The following UMAD1 variants were observed in gnomAD, a reference collection of about 807,000 sequenced individuals.
The protein encoded by UMAD1 is UBAP1-MVB12-associated (UMA)-domain containing protein 1.
UMAD1 carries 8 observed loss-of-function variants against 6.1 expected under a neutral mutation model. The ratio of observed to expected loss-of-function variants is 1.30; its 90% CI spans 0.76 to 2.35. The LOEUF (loss-of-function observed/expected upper bound fraction) is 2.35, where lower values mean the gene tolerates loss of function less well. Among genes scored for constraint, UMAD1 ranks in the 30% most tolerant of loss-of-function variants. The pLI, the probability that UMAD1 is intolerant of heterozygous loss-of-function variation, is 0.00. For synonymous variants in UMAD1, 56 were observed against 31.4 expected (o/e 1.78, Z -2.61); for missense variants, 130 against 78.4 (o/e 1.66, Z -2.49).
intron 2 of UMAD1, among the ~76,000 whole-genome samples, chr7:7,717,157 A>G (rs1277776013): frequency 6.6e-6 from 1 of 151,030 alleles, no homozygotes; most frequent in East Asian, 1.9e-4. Flanking sequence ...CCCGGGTTCA[A>G]GCGATTCTCT....
At chr7:7,851,100 C>A (rs776241258) in intron 3 of UMAD1, among the ~76,000 whole-genome samples, 36 of 152,088 alleles carry the variant, frequency 2.4e-4, no homozygotes, top group Non-Finnish European at 4.0e-4. Flanking sequence ...CTAATCTATT[C>A]TGTCTCTTAT....
intron 1 of UMAD1, among the ~76,000 whole-genome samples, chr7:7,648,434 C>T (rs751211661): frequency 1.6e-4 from 24 of 152,170 alleles, no homozygotes; most frequent in Non-Finnish European, 2.8e-4. Context: ...GTGCATATAG[C>T]TGGCGATTCA....
At chr7:7,839,936 C>G (rs373816190) in intron 3 of UMAD1, among the ~76,000 whole-genome samples, 1 of 152,166 alleles carries the variant, frequency 6.6e-6, no homozygotes, top group South Asian at 2.1e-4. Context: ...TTGCAGTTGG[C>G]AGAAAATTGG....
chr7:7,754,436 C>T (rs945927001), intron 2 of UMAD1, among the ~76,000 whole-genome samples: 7 of 152,128 alleles, frequency 4.6e-5, no homozygotes, highest in Admixed American at 3.9e-4. Context: ...ATTGTTTGCC[C>T]ATTTTTTAAT....
intron 1 of UMAD1, among the ~76,000 whole-genome samples, chr7:7,672,416 C>G (rs1325009580): frequency 6.6e-6 from 1 of 152,098 alleles, no homozygotes; most frequent in African/African-American, 2.4e-5. Context: ...ATAATCTCAC[C>G]AACGCAAGGA....
rs757863634 is a variant in UMAD1, at chr7:7,812,341, C to T, written c.156+10598C>T. Among the ~76,000 whole-genome samples the T allele has an allele frequency of 8.0e-4, 121 of 152,176 alleles. 1 individual carries two copies. Among genetic ancestry groups the T allele is most frequent in the Non-Finnish European group, 1.2e-3 (84 of 68,028 alleles). The stretch of plus-strand genomic sequence containing the variant: ...GCACCAATTATTCCCTGCCAGAAAC[C>T]CGCTAACCTGCTGCTTTTGTACCTC... On this transcript the variant is annotated intron_variant, in intron 3 of 3. Coordinates refer to ENST00000682710, the MANE Select transcript of UMAD1 (RefSeq NM_001302348.2).
intron 2 of UMAD1, among the ~76,000 whole-genome samples, chr7:7,774,809 C>T (rs983693665): frequency 6.6e-6 from 1 of 152,080 alleles, no homozygotes; most frequent in Non-Finnish European, 1.5e-5. Flanking sequence ...TAAGTTCTTC[C>T]CCAATTTTGC....
intron 2 of UMAD1, chr7:7,676,086 C>A (rs1779730774): frequency 2.5e-6 from 1 of 398,692 alleles, no homozygotes; most frequent in South Asian, 1.3e-4. Flanking sequence ...TTCATCCCCT[C>A]TTCCTTCTTC....
At chr7:7,667,709 C>T (rs17546242) in intron 1 of UMAD1, among the ~76,000 whole-genome samples, 8,911 of 152,252 alleles carry the variant, frequency 0.059, 342 homozygotes, top group Middle Eastern at 0.14. Flanking sequence ...CTGACAAAGA[C>T]AGAAATGGAA....
chr7:7,856,076 A>C (rs1438619692), intron 3 of UMAD1, among the ~76,000 whole-genome samples: 1 of 152,234 alleles, frequency 6.6e-6, no homozygotes, highest in Non-Finnish European at 1.5e-5. Flanking sequence ...ACAAGTCTCT[A>C]GGAAGTTCCA....
rs1554321024 is a variant in UMAD1 at position 7,731,491 on chromosome 7, C to CCCAAAAA, written c.82+58038_82+58039insCCAAAAA. Among the ~76,000 whole-genome samples, 3 of 134,516 alleles carry CCCAAAAA rather than the reference C, an allele frequency of 2.2e-5. 1 individual carries two copies. The highest frequency in any genetic ancestry group is 3.2e-5 in the Non-Finnish European group (2 of 62,372). The allele number at this position is 134,516 out of a possible 152,430, so 88.2% of individuals were successfully genotyped here. ...GAAAAGCAAACAAACAACCCCCCCCCAAAAAAAAAACACTTCTAGAGGTAT... is the reference window on the plus strand; with the variant it reads ...GAAAAGCAAACAAACAACCCCCCCCCCCAAAAAAAAAAAAAAACACTTCTAGAGGTAT... On this transcript the variant is annotated intron_variant, in intron 2 of 3. Transcript: ENST00000682710.
intron 2 of UMAD1, among the ~76,000 whole-genome samples, chr7:7,787,366 C>G (rs1782481025): frequency 1.3e-5 from 2 of 152,136 alleles, no homozygotes; most frequent in Admixed American, 6.5e-5. Context: ...TGAAACAGTA[C>G]TGTTGTTTTT....
intron 3 of UMAD1, among the ~76,000 whole-genome samples, chr7:7,804,745 G>T (rs1332410817): frequency 1.3e-5 from 2 of 152,220 alleles, no homozygotes; most frequent in Non-Finnish European, 2.9e-5. Context: ...ACTTTGGGAG[G>T]CTGAGGCAGC....
At chr7:7,688,749 A>G (rs879587444) in intron 2 of UMAD1, among the ~76,000 whole-genome samples, 5 of 152,170 alleles carry the variant, frequency 3.3e-5, no homozygotes, top group Non-Finnish European at 7.3e-5. Flanking sequence ...AACCTCCTAA[A>G]GGACATCTAA....
intron 2 of UMAD1, among the ~76,000 whole-genome samples, chr7:7,712,631 G>C (rs1490874746): frequency 6.6e-6 from 1 of 152,058 alleles, no homozygotes; most frequent in African/African-American, 2.4e-5. Flanking sequence ...TGTGAATAGT[G>C]AGTTTTGTTT....
rs1212075975 is a variant in UMAD1 at position 7,838,738 on chromosome 7, A to G, written c.156+36995A>G. ...AATAAATAAATAATGTTTATTCACA[A>G]ATGAAATACTCTTAAGGATATGAAA... On this transcript the variant is annotated intron_variant, in intron 3 of 3. Transcript: ENST00000682710. Among the ~76,000 whole-genome samples, 6 of 152,186 alleles carry G rather than the reference A, an allele frequency of 3.9e-5. No homozygotes were observed. The East Asian group carries it at 1.2e-3, about 29-fold the overall frequency.
intron 2 of UMAD1, among the ~76,000 whole-genome samples, chr7:7,683,978 G>C (rs1482677060): frequency 6.6e-6 from 1 of 152,150 alleles, no homozygotes; most frequent in Non-Finnish European, 1.5e-5. Flanking sequence ...GTGGGAAATT[G>C]GTTCCAAGAC....
intron 2 of UMAD1, among the ~76,000 whole-genome samples, chr7:7,792,972 G>C (rs990212116): frequency 1.3e-5 from 2 of 152,040 alleles, no homozygotes; most frequent in Non-Finnish European, 2.9e-5. Flanking sequence ...CCTCCCAAAG[G>C]CTCCACCTCT....
chr7:7,748,967 A>G (rs1312027405), intron 2 of UMAD1, among the ~76,000 whole-genome samples: 2 of 152,082 alleles, frequency 1.3e-5, no homozygotes, highest in Non-Finnish European at 2.9e-5. Flanking sequence ...GAGATATCCT[A>G]TTACACATGA....
Sources: allele counts gnomAD v4.1 joint callset (sites outside exome capture counted in the v4.1 genomes callset), GRCh38; gene constraint gnomAD v4.1.1; transcripts MANE v1.5; gene names NCBI Gene and HGNC (gene_info 2026-07-23, HGNC 2026-07-21).